Variants in PTBP3 observed in about 807,000 individuals in gnomAD.
PTBP3 encodes polypyrimidine tract-binding protein 3.
In PTBP3, 20 loss-of-function variants were observed where a neutral mutation model predicts 58.7. The ratio of observed to expected loss-of-function variants is 0.34; its 90% CI spans 0.24 to 0.50. The LOEUF (loss-of-function observed/expected upper bound fraction) is 0.50, where lower values mean the gene tolerates loss of function less well. Among genes scored for constraint, PTBP3 ranks in the 20% least tolerant of loss-of-function variants. The pLI is 0.98. For missense variants in PTBP3, 509 were observed against 637.2 expected (o/e 0.80, Z 2.17); for synonymous variants, 185 against 219.8 (o/e 0.84, Z 1.40).
intron 1 of PTBP3, among the ~76,000 whole-genome samples, chr9:112,317,255 GA>G (rs1276257950): frequency 6.8e-6 from 1 of 147,710 alleles, no homozygotes; most frequent in East Asian, 2.0e-4. Context: ...CAAAAAAAAA[GA>G]AAAAAAAGAA....
At chr9:112,348,986 T>G in the PTBP3 span, among the ~76,000 whole-genome samples, 38 of 152,340 alleles carry the variant, frequency 2.5e-4, 1 homozygote, top group East Asian at 6.6e-3. Context: ...ATAAGAAATA[T>G]ATTTAGTCTT....
chr9:112,367,462 T>G, the PTBP3 span, among the ~76,000 whole-genome samples: 3 of 152,178 alleles, frequency 2.0e-5, no homozygotes, highest in African/African-American at 7.2e-5. Context: ...GTTTTGTTTT[T>G]TGGCTAGGTT....
rs993888745 is a variant in PTBP3, at chr9:112,220,970, G to T, written c.*2881C>A. ...ATGCATGCCAAAACAGAGATACACA[G>T]ATCTAGTTTTTCCACCATCCTGATA... On this transcript the variant is annotated 3_prime_UTR_variant, in exon 14 of 14. Transcript: ENST00000374257. The T allele has an allele frequency of 6.6e-5, 64 of 966,420 alleles. No individual in the cohort carries two copies. Among genetic ancestry groups the T allele is most frequent in the Non-Finnish European group, 7.6e-5 (62 of 812,892 alleles). 59.9% of individuals were successfully genotyped at this position (966,420 alleles called of 1,614,324 possible).
At chr9:112,339,059 C>A in the PTBP3 span, among the ~76,000 whole-genome samples, 1 of 152,106 alleles carries the variant, frequency 6.6e-6, no homozygotes, top group South Asian at 2.1e-4. Flanking sequence ...AATGAAACAG[C>A]CTTTTTTATT....
rs199949297 is a variant in PTBP3, at chr9:112,330,186, A to G, written c.-52+3284T>C. Among the ~76,000 whole-genome samples, 886 of 152,314 alleles carry G rather than the reference A, an allele frequency of 5.8e-3. 8 individuals are homozygous for G. The highest frequency in any genetic ancestry group is 0.02 in the African/African-American group (840 of 41,564). ...AGGCTACATTTAACTGCTAAAACAA[A>G]GCAAACAAAAAGCATCCTGATAATT... On this transcript the variant is annotated intron_variant, in intron 1 of 13. Coordinates refer to ENST00000374257, the MANE Select transcript of PTBP3 (RefSeq NM_001163788.4).
chr9:112,279,792 T>A (rs564301157), intron 2 of PTBP3, among the ~76,000 whole-genome samples: 1 of 152,344 alleles, frequency 6.6e-6, no homozygotes, highest in East Asian at 1.9e-4. Flanking sequence ...CATTTCTGCA[T>A]TTATTTAGAT....
At chr9:112,253,725 C>G (rs1836229503) in intron 5 of PTBP3, among the ~76,000 whole-genome samples, 1 of 151,974 alleles carries the variant, frequency 6.6e-6, no homozygotes, top group Admixed American at 6.6e-5. Flanking sequence ...CTCAAGAGAT[C>G]TGATTGTTTA....
At chr9:112,356,719 C>T in the PTBP3 span, among the ~76,000 whole-genome samples, 2 of 151,916 alleles carry the variant, frequency 1.3e-5, no homozygotes, top group Admixed American at 1.3e-4. Flanking sequence ...GGAAAACCCA[C>T]AGTGTACTTT....
intron 2 of PTBP3, among the ~76,000 whole-genome samples, chr9:112,290,685 A>AAT (rs1554799400): frequency 2.1e-4 from 8 of 38,436 alleles, no homozygotes; most frequent in Non-Finnish European, 3.2e-4. Flanking sequence ...AAAAAAAAAA[A>AAT]AAATATATAT....
chr9:112,355,269 GAAC>G, the PTBP3 span, among the ~76,000 whole-genome samples: 3 of 152,178 alleles, frequency 2.0e-5, no homozygotes, highest in African/African-American at 2.4e-5. Context: ...AAGGAAATTT[GAAC>G]AACATCAATG....
chr9:112,262,675 A>C (rs1396400704), intron 4 of PTBP3, 76 bp from the exon 5 acceptor site: 3 of 1,339,896 alleles, frequency 2.2e-6, no homozygotes, highest in Non-Finnish European at 2.9e-6. Flanking sequence ...GTTGACATAA[A>C]ACAGTATGAA....
At chr9:112,279,669 C>A (rs527957295) in intron 2 of PTBP3, among the ~76,000 whole-genome samples, 1 of 151,940 alleles carries the variant, frequency 6.6e-6, no homozygotes, top group Non-Finnish European at 1.5e-5. Flanking sequence ...CCCAGGCAAT[C>A]TGAACCCTAC....
At chr9:112,238,822 T>C (rs977993809) in intron 7 of PTBP3, among the ~76,000 whole-genome samples, 1 of 152,096 alleles carries the variant, frequency 6.6e-6, no homozygotes, top group African/African-American at 2.4e-5. Flanking sequence ...AAATAACTCT[T>C]AAAATTGATT....
At chr9:112,355,274 A>G in the PTBP3 span, among the ~76,000 whole-genome samples, 1 of 152,222 alleles carries the variant, frequency 6.6e-6, no homozygotes, top group Non-Finnish European at 1.5e-5. Flanking sequence ...AATTTGAACA[A>G]CATCAATGCT....
At chr9:112,289,204 G>C (rs1828270978) in intron 2 of PTBP3, among the ~76,000 whole-genome samples, 1 of 151,926 alleles carries the variant, frequency 6.6e-6, no homozygotes, top group Non-Finnish European at 1.5e-5. Flanking sequence ...TCTTCTTTTT[G>C]TACGAGCTCC....
At chr9:112,275,333 C>T (rs749478709) in intron 3 of PTBP3, among the ~76,000 whole-genome samples, 16 of 152,094 alleles carry the variant, frequency 1.1e-4, no homozygotes, top group Non-Finnish European at 2.2e-4. Flanking sequence ...CGGGGTTTCA[C>T]CATGTTGCCC....
At chr9:112,243,131 T>TAAAAA (rs34908344) in intron 7 of PTBP3, among the ~76,000 whole-genome samples, 3 of 140,544 alleles carry the variant, frequency 2.1e-5, no homozygotes, top group Non-Finnish European at 4.7e-5. Context: ...TCTTACAGCT[T>TAAAAA]AAAAAAAAAA....
chr9:112,297,095 G>C (rs1212373834), intron 2 of PTBP3, among the ~76,000 whole-genome samples: 4 of 152,054 alleles, frequency 2.6e-5, no homozygotes, highest in Admixed American at 1.3e-4. Flanking sequence ...TAAATTTCAA[G>C]AACATTTATT....
chr9:112,320,923 TA>T (rs1218729908), intron 1 of PTBP3, among the ~76,000 whole-genome samples: 4 of 152,116 alleles, frequency 2.6e-5, no homozygotes, highest in African/African-American at 4.8e-5. Flanking sequence ...TTAAAGCAAA[TA>T]AATGAGAAAA....
Sources: allele counts gnomAD v4.1 joint callset (sites outside exome capture counted in the v4.1 genomes callset), GRCh38; gene constraint gnomAD v4.1.1; transcripts MANE v1.5; gene names NCBI Gene and HGNC (gene_info 2026-07-23, HGNC 2026-07-21).